The following SBNO2 variants were observed in gnomAD, a reference collection of about 807,000 sequenced individuals.
SBNO2 encodes the protein protein strawberry notch homolog 2.
A neutral mutation model predicts 146.3 loss-of-function variants in SBNO2; 89 were observed. The ratio of observed to expected loss-of-function variants is 0.61; its 90% CI spans 0.51 to 0.73. SBNO2 has a LOEUF of 0.73. SBNO2 is among the 30% of genes least tolerant of loss of function. The pLI is 0.00. For synonymous variants in SBNO2, 1,147 were observed against 892.6 expected (o/e 1.29, Z -5.08); for missense variants, 2,092 against 2,003.7 (o/e 1.04, Z -0.84).
chr19:1,166,118 CCAGATCCCAGACTT>C (rs1288594241), intron 1 of SBNO2, among the ~76,000 whole-genome samples: 2 of 111,026 alleles, frequency 1.8e-5, no homozygotes, highest in Admixed American at 9.7e-5. Context: ...ATCTCAGACC[CCAGATCCCAGACTT>C]CAGATCCCCA....
intron 1 of SBNO2, among the ~76,000 whole-genome samples, chr19:1,159,697 C>A (rs1408578001): frequency 1.5e-5 from 1 of 67,774 alleles, no homozygotes; most frequent in Non-Finnish European, 2.8e-5. Flanking sequence ...GGGGGGGCAG[C>A]GGCGGATGGG....
chr19:1,172,968 G>A (rs916752930), intron 1 of SBNO2, among the ~76,000 whole-genome samples: 3 of 149,870 alleles, frequency 2.0e-5, no homozygotes, highest in Non-Finnish European at 4.4e-5. Flanking sequence ...GCCAGGGGAG[G>A]CCCCGGCTAC....
At chr19:1,116,971 G>T in intron 15 of SBNO2, 45 bp from the exon 16 acceptor site, 2 of 1,499,210 alleles carry the variant, frequency 1.3e-6, no homozygotes, top group Middle Eastern at 1.7e-4. Context: ...CTGCTGTGGG[G>T]CCTCTGTGGG....
rs1378434467 is a variant in SBNO2, at chr19:1,130,404, A to G, written c.280-2639T>C. Among the ~76,000 whole-genome samples, 4 of 152,116 alleles carry G rather than the reference A, an allele frequency of 2.6e-5. No homozygotes were observed. The South Asian group carries it at 8.3e-4, about 31-fold the overall frequency. ...CTACTCAGGAGGCTGAGGCAGGAGGATCCGTTGAGCCCAGGTGGTCGAGGC... is the reference window on the plus strand; with the variant it reads ...CTACTCAGGAGGCTGAGGCAGGAGGGTCCGTTGAGCCCAGGTGGTCGAGGC... On this transcript the variant is annotated intron_variant, in intron 4 of 31. Transcript: ENST00000361757.
intron 4 of SBNO2, among the ~76,000 whole-genome samples, chr19:1,130,407 C>T (rs961950932): frequency 6.6e-6 from 1 of 151,614 alleles, no homozygotes; most frequent in Non-Finnish European, 1.5e-5. Context: ...CAGGAGGATC[C>T]GTTGAGCCCA....
rs2079778868 is a variant in SBNO2, at chr19:1,112,616, C to T, written c.2380-79G>A. ...TGCCGCCACCTCCTCACCCACTAGG[C>T]CCCCGCTCCAGGTCACCAGGACGTC... On this transcript the variant is annotated intron_variant, in intron 20 of 31. Transcript: ENST00000361757. This position sits in a 1 kb window ranked among gnomAD's most constrained non-coding sequence, Gnocchi z 5.9. The T allele has an allele frequency of 6.7e-7, 1 of 1,482,388 alleles. No homozygotes were observed. The highest frequency in any genetic ancestry group is 2.5e-5 in the East Asian group (1 of 40,640). 91.8% of individuals were successfully genotyped at this position (1,482,388 alleles called of 1,614,324 possible). A position where few individuals can be genotyped will look rare whatever the true frequency, so the allele number is the denominator to read the frequency against.
At chr19:1,163,245 T>G (rs2080367053) in intron 1 of SBNO2, among the ~76,000 whole-genome samples, 1 of 152,156 alleles carries the variant, frequency 6.6e-6, no homozygotes, top group African/African-American at 2.4e-5. Context: ...ACTCATGTCC[T>G]TAAGAGAAAA....
chr19:1,119,221 T>C (rs1405475950), intron 13 of SBNO2, 57 bp from the exon 14 acceptor site: 2 of 1,541,312 alleles, frequency 1.3e-6, no homozygotes, highest in East Asian at 2.4e-5. Context: ...ATGGAGCCAC[T>C]CGGAGCGCGA....
chr19:1,151,748 C>T (rs368218549), intron 2 of SBNO2, among the ~76,000 whole-genome samples: 37 of 152,330 alleles, frequency 2.4e-4, no homozygotes, highest in African/African-American at 4.8e-4. Context: ...CTGCAACCTC[C>T]ACCTCCCGAG....
rs1339538772 is a variant in SBNO2 at position 1,164,423 on chromosome 19, G to GAAC, written c.-127+9748_-127+9749insGTT. 7.4e-3 allele frequency among the ~76,000 whole-genome samples: 730 copies of GAAC among 98,222 alleles called. 132 individuals carry two copies. The highest frequency in any genetic ancestry group is 0.03 in the East Asian group (71 of 2,354). The allele number at this position is 98,222 out of a possible 152,430, so 64.4% of individuals were successfully genotyped here. On this transcript the variant is annotated intron_variant, in intron 1 of 31. Coordinates refer to ENST00000361757, the MANE Select transcript of SBNO2 (RefSeq NM_014963.3). ...GGAGGAGGAGGAGGAGGAGGAACAG[G>GAAC]AGGAGGAGGAGGAGGAGGAGGAGGA... is the stretch of plus-strand genomic sequence containing the variant.
chr19:1,154,985 C>G (rs746822355), intron 1 of SBNO2: 2 of 152,320 alleles, frequency 1.3e-5, no homozygotes, highest in African/African-American at 2.4e-5. Context: ...GCTACAGAGC[C>G]GAGCCCCACA....
intron 15 of SBNO2, 84 bp downstream of exon 15, chr19:1,117,239 G>A (rs1337592744): frequency 4.4e-6 from 6 of 1,351,408 alleles, no homozygotes; most frequent in Non-Finnish European, 6.0e-6. Context: ...GTCTGGGGAG[G>A]GGCCAGGAAG....
chr19:1,133,609 T>A (rs535710994), intron 4 of SBNO2, among the ~76,000 whole-genome samples: 1 of 152,156 alleles, frequency 6.6e-6, no homozygotes, highest in African/African-American at 2.4e-5. Context: ...CACGGGTCCG[T>A]GCCGCTGGGG....
At chr19:1,137,483 G>A (rs185369256) in intron 4 of SBNO2, among the ~76,000 whole-genome samples, 3 of 5,226 alleles carry the variant, frequency 5.7e-4, no homozygotes, top group Non-Finnish European at 1.2e-3. Context: ...GGGTGCAGTG[G>A]GGGGAGGCTC....
At chr19:1,113,302 G>T (rs2079789592) in intron 19 of SBNO2, among the ~76,000 whole-genome samples, 1 of 152,136 alleles carries the variant, frequency 6.6e-6, no homozygotes, top group South Asian at 2.1e-4. Context: ...GGCCAGGCTG[G>T]GGGATCTGGG....
intron 11 of SBNO2, among the ~76,000 whole-genome samples, chr19:1,120,857 CG>C (rs1357622035): frequency 2.0e-5 from 3 of 151,498 alleles, no homozygotes; most frequent in African/African-American, 4.9e-5. Context: ...TCAGTAGAGA[CG>C]GGGTTTCACC....
At chr19:1,151,821 C>A (rs572851943) in intron 2 of SBNO2, among the ~76,000 whole-genome samples, 3 of 152,208 alleles carry the variant, frequency 2.0e-5, no homozygotes, top group African/African-American at 7.2e-5. Flanking sequence ...CGCCACCACG[C>A]CCAGCTAACT....
At chr19:1,134,938 C>T (rs1305102879) in intron 4 of SBNO2, among the ~76,000 whole-genome samples, 20 of 145,812 alleles carry the variant, frequency 1.4e-4, no homozygotes, top group African/African-American at 2.9e-4. Flanking sequence ...CCCAGCTACT[C>T]GGGAGGCTGA....
chr19:1,145,960 C>T (rs1386850127), intron 4 of SBNO2, among the ~76,000 whole-genome samples: 3 of 152,036 alleles, frequency 2.0e-5, no homozygotes, highest in African/African-American at 2.4e-5. Flanking sequence ...TCCCAGGGCC[C>T]GGGAGTCTGA....
Sources: allele counts gnomAD v4.1 joint callset (sites outside exome capture counted in the v4.1 genomes callset), GRCh38; gene constraint gnomAD v4.1.1; non-coding constraint Gnocchi (gnomAD v3.1); transcripts MANE v1.5; gene names NCBI Gene and HGNC (gene_info 2026-07-23, HGNC 2026-07-21).